Variants in SEMA5A observed in about 807,000 individuals in gnomAD.
The protein encoded by SEMA5A is semaphorin-5A.
Under a neutral mutation model 135.5 loss-of-function variants are expected in SEMA5A, and 55 were observed. That is an observed-to-expected ratio of 0.41 (90% CI 0.33 to 0.51). The LOEUF (loss-of-function observed/expected upper bound fraction) is 0.51. Ranked by LOEUF, SEMA5A falls within the 20% of genes least tolerant of loss-of-function variation. SEMA5A has a pLI of 0.37. For missense variants in SEMA5A, 1,290 were observed against 1,419.9 expected (o/e 0.91, Z 1.47); for synonymous variants, 580 against 546.5 (o/e 1.06, Z -0.85).
At chr5:9,216,215 G>A (rs531387935) in intron 8 of SEMA5A, among the ~76,000 whole-genome samples, 5 of 152,248 alleles carry the variant, frequency 3.3e-5, no homozygotes, top group East Asian at 1.9e-4. Context: ...CGCACTTCTC[G>A]ATTTCTGCCT....
At chr5:9,422,825 C>A (rs386033) in intron 2 of SEMA5A, among the ~76,000 whole-genome samples, 4,129 of 152,246 alleles carry the variant, frequency 0.027, 181 homozygotes, top group African/African-American at 0.094. Flanking sequence ...TTATGTTTCT[C>A]ATTCCAAAAA....
intron 16 of SEMA5A, among the ~76,000 whole-genome samples, chr5:9,075,144 G>A (rs1737979057): frequency 6.6e-6 from 1 of 152,194 alleles, no homozygotes; most frequent in African/African-American, 2.4e-5. Context: ...GTATTTCTAA[G>A]TAGAAATTAA....
At chr5:9,499,059 C>T (rs1735449032) in intron 1 of SEMA5A, among the ~76,000 whole-genome samples, 1 of 152,112 alleles carries the variant, frequency 6.6e-6, no homozygotes, top group Non-Finnish European at 1.5e-5. Flanking sequence ...ACATAGGCAG[C>T]GAAAGGTCCT....
intron 6 of SEMA5A, among the ~76,000 whole-genome samples, chr5:9,236,659 A>G (rs1476109423): frequency 6.6e-6 from 1 of 152,200 alleles, no homozygotes; most frequent in East Asian, 1.9e-4. Context: ...AAATCTCCTT[A>G]TATCTCTGAT....
At chr5:9,276,195 T>G (rs919525173) in intron 5 of SEMA5A, among the ~76,000 whole-genome samples, 1 of 152,080 alleles carries the variant, frequency 6.6e-6, no homozygotes, top group African/African-American at 2.4e-5. Context: ...ACATCATGAG[T>G]GAACTCCCAT....
Position 9,462,016 on chromosome 5 carries a change from C to T in SEMA5A, c.-174-24164G>A, listed in dbSNP as rs1424560495. On this transcript the variant is annotated intron_variant, in intron 1 of 22. Transcript: ENST00000382496. Reference sequence around the variant, plus strand: ...GAAACACAAATGTCTTGATCATTGGCCTACATCCATTGTTAGGATGGTGGC... The same window carrying T: ...GAAACACAAATGTCTTGATCATTGGTCTACATCCATTGTTAGGATGGTGGC... Among the ~76,000 whole-genome samples, 3 of 152,170 alleles carry T rather than the reference C, an allele frequency of 2.0e-5. No homozygotes were observed. The East Asian group carries it at 5.8e-4, about 29-fold the overall frequency.
Position 9,206,846 on chromosome 5 carries a change from G to C in SEMA5A, c.647-4606C>G, listed in dbSNP as rs567887842. On this transcript the variant is annotated intron_variant, in intron 8 of 22. Transcript: ENST00000382496. ...GGACCATTGACATCTGATATTTTCTGTTGTTGCATCTGACAATCAGACCTA... is the reference window on the plus strand; with the variant it reads ...GGACCATTGACATCTGATATTTTCTCTTGTTGCATCTGACAATCAGACCTA... Among the ~76,000 whole-genome samples the C allele has an allele frequency of 1.3e-3, 201 of 150,878 alleles. 1 individual carries two copies. The highest frequency in any genetic ancestry group is 4.7e-3 in the African/African-American group (192 of 41,154).
At chr5:9,405,968 T>C (rs527648678) in intron 2 of SEMA5A, among the ~76,000 whole-genome samples, 110 of 152,246 alleles carry the variant, frequency 7.2e-4, no homozygotes, top group Non-Finnish European at 1.2e-3. Flanking sequence ...ATGATGAATA[T>C]CTGGGACCTG....
chr5:9,390,268 G>A (rs1756093957), intron 2 of SEMA5A, among the ~76,000 whole-genome samples: 1 of 152,172 alleles, frequency 6.6e-6, no homozygotes, highest in African/African-American at 2.4e-5. Context: ...TTAAAAAAAG[G>A]GGGGTCCCCT....
chr5:9,183,603 A>G (rs1464650233), intron 11 of SEMA5A, among the ~76,000 whole-genome samples: 2 of 152,230 alleles, frequency 1.3e-5, no homozygotes, highest in Non-Finnish European at 2.9e-5. Context: ...TAAGGCTGAG[A>G]GAACCTGCGG....
chr5:9,438,561 C>T (rs1246274772), intron 1 of SEMA5A, among the ~76,000 whole-genome samples: 1 of 152,226 alleles, frequency 6.6e-6, no homozygotes, highest in Non-Finnish European at 1.5e-5. Context: ...ATATAGGTGA[C>T]TTTCCATCTA....
At chr5:9,524,708 G>A (rs439869) in intron 1 of SEMA5A, among the ~76,000 whole-genome samples, 51,823 of 151,948 alleles carry the variant, frequency 0.34, 9,034 homozygotes, top group East Asian at 0.41. Context: ...AATGATGAAA[G>A]TCCCCTTGGT....
intron 11 of SEMA5A, among the ~76,000 whole-genome samples, chr5:9,165,440 T>A (rs116763592): frequency 0.019 from 2,818 of 152,314 alleles, 60 homozygotes; most frequent in Non-Finnish European, 0.022. Context: ...GTTTAAGGTA[T>A]TTTTAAAATT....
intron 2 of SEMA5A, chr5:9,422,518 T>A (rs1757503754): frequency 6.6e-6 from 1 of 152,180 alleles, no homozygotes; most frequent in Non-Finnish European, 1.5e-5. Flanking sequence ...AAATTGTAGG[T>A]AGTATCAAAG....
chr5:9,233,502 G>A (rs1747744602), intron 6 of SEMA5A, among the ~76,000 whole-genome samples: 1 of 151,064 alleles, frequency 6.6e-6, no homozygotes, highest in Non-Finnish European at 1.5e-5. Context: ...AGCCATTGCA[G>A]GCAAAGGCAC....
intron 3 of SEMA5A, among the ~76,000 whole-genome samples, chr5:9,355,303 C>T (rs1233937172): frequency 1.3e-5 from 2 of 152,040 alleles, no homozygotes; most frequent in South Asian, 2.1e-4. Flanking sequence ...GCATGAGCTG[C>T]GTGGCATTTT....
chr5:9,202,332 G>C, intron 8 of SEMA5A, 92 bp from the exon 9 acceptor site: 1 of 1,379,606 alleles, frequency 7.2e-7, no homozygotes, highest in South Asian at 1.4e-5. Context: ...AAGAGACGTG[G>C]TTTTGTTTAG....
chr5:9,350,036 T>C (rs907898948), intron 3 of SEMA5A, among the ~76,000 whole-genome samples: 1 of 152,186 alleles, frequency 6.6e-6, no homozygotes, highest in Non-Finnish European at 1.5e-5. Flanking sequence ...TTCAAGTACT[T>C]TGAAGCCATA....
intron 2 of SEMA5A, among the ~76,000 whole-genome samples, chr5:9,433,256 C>A (rs1757917829): frequency 6.6e-6 from 1 of 152,092 alleles, no homozygotes; most frequent in Middle Eastern, 3.4e-3. Flanking sequence ...ATTTTTAATA[C>A]AATCAGAAGA....
Sources: gnomAD v4.1 joint callset for allele counts (sites outside exome capture counted in the v4.1 genomes callset) on GRCh38, gnomAD v4.1.1 for gene constraint, MANE v1.5 for transcripts, NCBI Gene and HGNC (gene_info 2026-07-23, HGNC 2026-07-21) for gene names.